MYO3B: variants seen among roughly 807,000 people sequenced by gnomAD.
The protein encoded by MYO3B is myosin-IIIb.
In MYO3B, 156 loss-of-function variants were observed where a neutral mutation model predicts 174.6. The ratio of observed to expected loss-of-function variants is 0.89; its 90% CI spans 0.78 to 1.02. MYO3B has a LOEUF of 1.02. Ranked by LOEUF, MYO3B falls within the 50% of genes least tolerant of loss-of-function variation. The pLI is 0.00. For synonymous variants in MYO3B, 563 were observed against 569.1 expected (o/e 0.99, Z 0.15); for missense variants, 1,632 against 1,639.4 (o/e 1.00, Z 0.08).
intron 19 of MYO3B, among the ~76,000 whole-genome samples, chr2:170,403,476 C>T (rs1011839214): frequency 6.6e-6 from 1 of 152,090 alleles, no homozygotes; most frequent in Admixed American, 6.6e-5. Flanking sequence ...AATCATCCCT[C>T]TATGAGTTTA....
intron 32 of MYO3B, among the ~76,000 whole-genome samples, chr2:170,555,276 C>CTAT: frequency 6.6e-6 from 1 of 152,140 alleles, no homozygotes; most frequent in South Asian, 2.1e-4. Flanking sequence ...TATTGATACA[C>CTAT]TATTATTATT....
At chr2:170,271,336 A>T (rs113213780) in intron 7 of MYO3B, among the ~76,000 whole-genome samples, 1 of 152,224 alleles carries the variant, frequency 6.6e-6, no homozygotes, top group Non-Finnish European at 1.5e-5. Context: ...GGAATCTTAT[A>T]GGTAGCTCAT....
chr2:170,647,990 G>C (rs1314637272), intron 32 of MYO3B: 1 of 152,184 alleles, frequency 6.6e-6, no homozygotes, highest in East Asian at 1.9e-4. Context: ...TAGAAAGTCT[G>C]AGGGAGAGTG....
At chr2:170,530,621 G>T (rs965369226) in intron 30 of MYO3B, among the ~76,000 whole-genome samples, 3 of 152,132 alleles carry the variant, frequency 2.0e-5, no homozygotes, top group African/African-American at 7.2e-5. Flanking sequence ...TTTGCTTATT[G>T]GATTTACTGA....
At position 170,416,818 on chromosome 2, in the gene MYO3B, G is replaced by GTTTTTT. The variant is rs552594236; in HGVS notation, c.2650+8992_2650+8997dup. Among the ~76,000 whole-genome samples the GTTTTTT allele has an allele frequency of 1.6e-3, 188 of 116,056 alleles. 2 individuals carry two copies. Among genetic ancestry groups the GTTTTTT allele is most frequent in the Non-Finnish European group, 2.2e-3 (127 of 56,866 alleles). The allele number at this position is 116,056 out of a possible 152,430, so 76.1% of individuals were successfully genotyped here. On this transcript the variant is annotated intron_variant, in intron 22 of 34. Coordinates refer to ENST00000408978, the MANE Select transcript of MYO3B (RefSeq NM_138995.5). ...CTTTCCCCAGATCTTTTTTTCTGTT[G>GTTTTTT]TTTTTTTTTTTTTTTTTTTTTTTGA... is the stretch of plus-strand genomic sequence containing the variant.
chr2:170,179,376 C>T (rs2092369781), intron 1 of MYO3B, among the ~76,000 whole-genome samples: 1 of 152,110 alleles, frequency 6.6e-6, no homozygotes, highest in African/African-American at 2.4e-5. Context: ...GAAGCCAGTT[C>T]CTACTCTTAC....
At chr2:170,521,557 T>C (rs977006659) in intron 30 of MYO3B, among the ~76,000 whole-genome samples, 1 of 152,170 alleles carries the variant, frequency 6.6e-6, no homozygotes, top group Middle Eastern at 3.2e-3. Flanking sequence ...CTCCTTATCT[T>C]CGGCTGTCCT....
chr2:170,407,906 C>T, intron 22 of MYO3B, 62 bp downstream of exon 22: 1 of 1,601,124 alleles, frequency 6.2e-7, no homozygotes, highest in Non-Finnish European at 8.5e-7. Flanking sequence ...GTGAAATTTT[C>T]CAGTTAGTGT....
At chr2:170,381,331 T>C (rs1387462296) in intron 9 of MYO3B, among the ~76,000 whole-genome samples, 1 of 152,104 alleles carries the variant, frequency 6.6e-6, no homozygotes, top group East Asian at 1.9e-4. Context: ...AAAGTAAGCT[T>C]ACAGTATAAA....
chr2:170,535,751 G>C (rs1377104343), intron 30 of MYO3B, among the ~76,000 whole-genome samples: 1 of 152,192 alleles, frequency 6.6e-6, no homozygotes, highest in African/African-American at 2.4e-5. Context: ...CACAGTGCCT[G>C]ATGGAAAGGA....
intron 9 of MYO3B, among the ~76,000 whole-genome samples, chr2:170,372,269 G>C (rs528159163): frequency 6.6e-6 from 1 of 152,114 alleles, no homozygotes; most frequent in South Asian, 2.1e-4. Flanking sequence ...GTTATTTTGA[G>C]GGTTAAGTGA....
At chr2:170,361,308 C>T (rs985918221) in intron 8 of MYO3B, among the ~76,000 whole-genome samples, 19 of 152,144 alleles carry the variant, frequency 1.2e-4, no homozygotes, top group Admixed American at 1.3e-4. Context: ...TTTATCTGTG[C>T]CCTGACTGTG....
intron 8 of MYO3B, among the ~76,000 whole-genome samples, chr2:170,352,250 G>A (rs1393398577): frequency 6.6e-6 from 1 of 152,180 alleles, no homozygotes; most frequent in African/African-American, 2.4e-5. Flanking sequence ...ACCGTGCCCG[G>A]CCTAGGCACG....
chr2:170,400,024 T>C (rs2094464833), intron 16 of MYO3B, among the ~76,000 whole-genome samples, 164 bp from the exon 17 acceptor site: 1 of 152,268 alleles, frequency 6.6e-6, no homozygotes, highest in Non-Finnish European at 1.5e-5. Flanking sequence ...TGTAGTTATA[T>C]GACGACCTCT....
chr2:170,444,051 G>T lies in MYO3B; in HGVS notation c.2730+5G>T, dbSNP rs1222918771. ...TTCAGTGCTGGGAAAGCCAAGGTGA[G>T]TAACAGATTTGCACCAAATATAGTA... On this transcript the variant is annotated splice_donor_5th_base_variant and intron_variant, in intron 23 of 34. Transcript: ENST00000408978. 6.2e-7 allele frequency: 1 copy of T among 1,611,854 alleles called. No individual in the cohort carries two copies. The highest frequency in any genetic ancestry group is 1.1e-5 in the South Asian group (1 of 90,852).
chr2:170,282,918 C>T (rs999899986), intron 7 of MYO3B, among the ~76,000 whole-genome samples: 1 of 152,132 alleles, frequency 6.6e-6, no homozygotes, highest in Non-Finnish European at 1.5e-5. Context: ...CCCCAGCATG[C>T]AGATCACTGT....
At position 170,335,279 on chromosome 2, in the gene MYO3B, C is replaced by G. The variant is rs75202071; in HGVS notation, c.750-106C>G. On this transcript the variant is annotated intron_variant, in intron 7 of 34. Coordinates refer to ENST00000408978, the MANE Select transcript of MYO3B (RefSeq NM_138995.5). ...AAAATGACTCTCATATGAGAACAAA[C>G]AGATTTTATTAGAGCTATTTAGAAT... The G allele has an allele frequency of 4.2e-5, 36 of 860,280 alleles. No individual in the cohort carries two copies. The East Asian group carries it at 9.1e-4, about 22-fold the overall frequency. The allele number at this position is 860,280 out of a possible 1,614,324, so 53.3% of individuals were successfully genotyped here.
intron 3 of MYO3B, among the ~76,000 whole-genome samples, chr2:170,204,441 G>A (rs1204168259): frequency 6.6e-6 from 1 of 152,220 alleles, no homozygotes. Flanking sequence ...TAGGTCTGGT[G>A]ATTGTGTTGC....
chr2:170,650,939 C>CCCAAAGTGCTGGGATTACAGACGTAAG (rs527426740), intron 32 of MYO3B, among the ~76,000 whole-genome samples: 1 of 151,576 alleles, frequency 6.6e-6, no homozygotes, highest in African/African-American at 2.4e-5. Context: ...GCCTCAGCCT[C>CCCAAAGTGCTGGGATTACAGACGTAAG]CCACTGCGCC....
Sources: gnomAD v4.1 joint callset for allele counts (sites outside exome capture counted in the v4.1 genomes callset) on GRCh38, gnomAD v4.1.1 for gene constraint, MANE v1.5 for transcripts, NCBI Gene and HGNC (gene_info 2026-07-23, HGNC 2026-07-21) for gene names.